TSPAN5: variants seen among roughly 807,000 people sequenced by gnomAD.
The protein encoded by TSPAN5 is tetraspanin 5, also known as tetraspanin-5.
TSPAN5 carries 10 observed loss-of-function variants against 37.1 expected under a neutral mutation model. The ratio of observed to expected loss-of-function variants is 0.27; its 90% CI spans 0.17 to 0.46. The LOEUF (loss-of-function observed/expected upper bound fraction) is 0.46, where lower values mean the gene tolerates loss of function less well. TSPAN5 is among the 20% of genes least tolerant of loss of function. The probability of loss-of-function intolerance (pLI) is 1.00; values close to 1 mark genes in which losing one functional copy is unlikely to be tolerated. For missense variants in TSPAN5, 195 were observed against 326.6 expected (o/e 0.60, Z 3.11); for synonymous variants, 110 against 118.9 (o/e 0.93, Z 0.48).
chr4:98,521,362 G>A (rs899698505), intron 1 of TSPAN5, among the ~76,000 whole-genome samples: 3 of 152,132 alleles, frequency 2.0e-5, no homozygotes, highest in African/African-American at 7.2e-5. Context: ...ATAAAAGATC[G>A]GAGTTCCCTA....
chr4:98,496,495 A>T (rs1753216520), intron 2 of TSPAN5: 1 of 152,246 alleles, frequency 6.6e-6, no homozygotes, highest in Admixed American at 6.5e-5. Context: ...AAAGGTCATT[A>T]GTGAAACTCA....
intron 1 of TSPAN5, among the ~76,000 whole-genome samples, chr4:98,547,624 AATATTTCCT>A (rs1442918545): frequency 6.6e-6 from 1 of 152,210 alleles, no homozygotes; most frequent in Non-Finnish European, 1.5e-5. Flanking sequence ...GTCAGTGTTA[AATATTTCCT>A]ATCAGTGGCT....
At chr4:98,552,662 T>C (rs900802267) in intron 1 of TSPAN5, among the ~76,000 whole-genome samples, 6 of 152,296 alleles carry the variant, frequency 3.9e-5, no homozygotes, top group African/African-American at 1.4e-4. Flanking sequence ...ATCCTGGGAT[T>C]TCTATTCAAG....
intron 1 of TSPAN5, among the ~76,000 whole-genome samples, chr4:98,636,476 T>C (rs901341924): frequency 6.6e-6 from 1 of 152,206 alleles, no homozygotes; most frequent in Non-Finnish European, 1.5e-5. Context: ...GAGTATGACA[T>C]AATCAGAATT....
At chr4:98,528,762 C>T (rs1179925268) in intron 1 of TSPAN5, among the ~76,000 whole-genome samples, 1 of 152,094 alleles carries the variant, frequency 6.6e-6, no homozygotes, top group Non-Finnish European at 1.5e-5. Context: ...TTTTATTGTA[C>T]ATTTACCAGC....
rs76562251 is a variant in TSPAN5 at position 98,555,822 on chromosome 4, A to C, written c.82-48094T>G. On this transcript the variant is annotated intron_variant, in intron 1 of 7. Transcript: ENST00000305798. ...GCAGCTTCATGGCACTAATGACAAA[A>C]CAATAAACCAACAGCTCCTCAGTAA... Among the ~76,000 whole-genome samples, 1,818 of 152,304 alleles carry C rather than the reference A, an allele frequency of 0.012. 63 individuals are homozygous for C. In the South Asian group the frequency reaches 0.13, roughly 11 times the overall value.
chr4:98,523,889 G>C (rs1467497588), intron 1 of TSPAN5, among the ~76,000 whole-genome samples: 1 of 152,190 alleles, frequency 6.6e-6, no homozygotes, highest in Non-Finnish European at 1.5e-5. Flanking sequence ...AGCATTTAAT[G>C]GATGTGGCCT....
intron 1 of TSPAN5, among the ~76,000 whole-genome samples, chr4:98,611,038 C>T (rs1756175057): frequency 6.6e-6 from 1 of 152,170 alleles, no homozygotes; most frequent in Non-Finnish European, 1.5e-5. Flanking sequence ...CAGCCACTTG[C>T]ACCACTGGCT....
intron 2 of TSPAN5, chr4:98,500,332 TCA>T (rs942845765): frequency 3.3e-4 from 50 of 152,266 alleles, no homozygotes; most frequent in Admixed American, 9.2e-4. Context: ...AGACCTAAAA[TCA>T]CAGACAGTGG....
intron 7 of TSPAN5, among the ~76,000 whole-genome samples, chr4:98,473,508 G>GGACTGCA (rs1445882345): frequency 6.7e-6 from 1 of 148,516 alleles, no homozygotes; most frequent in Non-Finnish European, 1.5e-5. Context: ...GCCGGACTGC[G>GGACTGCA]GACTGCAGTG....
intron 1 of TSPAN5, 119 bp downstream of exon 1, chr4:98,658,027 A>G: frequency 2.3e-6 from 2 of 878,606 alleles, no homozygotes; most frequent in Admixed American, 3.4e-5. Flanking sequence ...GAATGCCTCT[A>G]TGCTGCTCCG....
intron 1 of TSPAN5, among the ~76,000 whole-genome samples, chr4:98,516,356 T>C (rs1753728724): frequency 6.6e-6 from 1 of 152,208 alleles, no homozygotes; most frequent in Non-Finnish European, 1.5e-5. Context: ...GTCTCCCTCA[T>C]GCTAGAATAG....
chr4:98,486,613 G>T, intron 3 of TSPAN5, 125 bp downstream of exon 3: 2 of 1,065,252 alleles, frequency 1.9e-6, no homozygotes, highest in Non-Finnish European at 2.8e-6. Flanking sequence ...AGAAAATAAT[G>T]ACCTGGGCCC....
At chr4:98,549,695 T>C (rs1350853105) in intron 1 of TSPAN5, among the ~76,000 whole-genome samples, 1 of 152,186 alleles carries the variant, frequency 6.6e-6, no homozygotes, top group Non-Finnish European at 1.5e-5. Flanking sequence ...TTGAAAAATG[T>C]GTGTTCATGT....
chr4:98,530,744 C>CACAG (rs1754063254), intron 1 of TSPAN5, among the ~76,000 whole-genome samples: 3 of 151,842 alleles, frequency 2.0e-5, no homozygotes, highest in Admixed American at 6.6e-5. Context: ...CACACACACA[C>CACAG]ACACACACAT....
At chr4:98,571,237 T>G (rs1356256547) in intron 1 of TSPAN5, among the ~76,000 whole-genome samples, 1 of 151,792 alleles carries the variant, frequency 6.6e-6, no homozygotes, top group African/African-American at 2.4e-5. Flanking sequence ...ACACATCACA[T>G]AAAGGGCGGT....
chr4:98,620,339 G>A (rs1756452746), intron 1 of TSPAN5, among the ~76,000 whole-genome samples: 1 of 152,108 alleles, frequency 6.6e-6, no homozygotes, highest in Non-Finnish European at 1.5e-5. Context: ...CGCTGAGGCT[G>A]GTCTTGGAGT....
At chr4:98,522,434 G>A (rs7695093) in intron 1 of TSPAN5, among the ~76,000 whole-genome samples, 62,911 of 152,062 alleles carry the variant, frequency 0.41, 13,194 homozygotes, top group South Asian at 0.54. Context: ...TTATACCTCC[G>A]ATCAAATCAA....
intron 1 of TSPAN5, among the ~76,000 whole-genome samples, chr4:98,534,439 T>C (rs1754186581): frequency 6.6e-6 from 1 of 152,220 alleles, no homozygotes; most frequent in East Asian, 1.9e-4. Flanking sequence ...CTTCCAATTA[T>C]GTGGTCAATT....
Sources: gnomAD v4.1 joint callset for allele counts (sites outside exome capture counted in the v4.1 genomes callset) on GRCh38, gnomAD v4.1.1 for gene constraint, MANE v1.5 for transcripts, NCBI Gene and HGNC (gene_info 2026-07-23, HGNC 2026-07-21) for gene names.